PYGL: variants seen among roughly 807,000 people sequenced by gnomAD.
PYGL encodes the protein glycogen phosphorylase, liver form.
Under a neutral mutation model 100.1 loss-of-function variants are expected in PYGL, and 90 were observed. The observed-to-expected ratio is 0.90, with a 90% CI of 0.76 to 1.07. The LOEUF (loss-of-function observed/expected upper bound fraction) is 1.07. Ranked by LOEUF, PYGL falls within the 50% of genes least tolerant of loss-of-function variation. PYGL has a pLI of 0.00. For synonymous variants in PYGL, 373 were observed against 393.0 expected, an observed-to-expected ratio of 0.95 and a Z score of 0.60; for missense variants, 1,016 against 1,057.6, an observed-to-expected ratio of 0.96 and a Z score of 0.55.
At chr14:50,916,414 A>G (rs2050449654) in intron 9 of PYGL, among the ~76,000 whole-genome samples, 1 of 152,220 alleles carries the variant, frequency 6.6e-6, no homozygotes, top group African/African-American at 2.4e-5. Context: ...AAGCCTTAAT[A>G]TAGCTATTGA....
rs35049468 is a variant in PYGL at position 50,942,822 on chromosome 14, C to CAAACAAAACAAAACA, written c.243+1324_243+1338dup. On this transcript the variant is annotated intron_variant, in intron 1 of 19. Transcript: ENST00000216392. ...CCTGGGCGAGAGTGAGACTCTGTCT[C>CAAACAAAACAAAACA]AAACAAAACAAAACAAAACAAAACA... 9.9e-4 allele frequency among the ~76,000 whole-genome samples: 129 copies of CAAACAAAACAAAACA among 130,140 alleles called. 17 individuals carry two copies. The South Asian group carries it at 0.029, about 30-fold the overall frequency. 85.4% of individuals were successfully genotyped at this position (130,140 alleles called of 152,430 possible).
At position 50,908,840 on chromosome 14, in the gene PYGL, T is replaced by C; in HGVS notation, c.2293A>G (p.Met765Val). The part of the protein sequence containing the change: ...QPDLFKDIIN[M>V]LFYHDRFKVF... ...ACTCACCTGTCATGATAAAATAGCATGTTGATGATATCTTTGAAGAGGTCA... is the reference window on the plus strand; with the variant it reads ...ACTCACCTGTCATGATAAAATAGCACGTTGATGATATCTTTGAAGAGGTCA... The change falls in exon 18 of 20, where the codon ATG becomes GTG. Residue 765 changes from methionine (M) to valine (V), a missense_variant. Transcript: ENST00000216392. 3 of 1,567,078 alleles carry C rather than the reference T, an allele frequency of 1.9e-6. No homozygotes were observed. Among genetic ancestry groups the C allele is most frequent in the Middle Eastern group, 1.7e-4 (1 of 5,996 alleles).
chr14:50,934,985 A>G, intron 3 of PYGL, 122 bp downstream of exon 3: 1 of 870,144 alleles, frequency 1.1e-6, no homozygotes, highest in Non-Finnish European at 1.9e-6. Flanking sequence ...TACATCTACA[A>G]CCAGGTCATA....
At chr14:50,928,135 A>T (rs2139187386) in intron 4 of PYGL, among the ~76,000 whole-genome samples, 1 of 152,306 alleles carries the variant, frequency 6.6e-6, no homozygotes, top group East Asian at 1.9e-4. Flanking sequence ...ATTTCTTTAG[A>T]GGAATGACTC....
chr14:50,924,787 T>C (rs1475268394), intron 4 of PYGL, among the ~76,000 whole-genome samples: 1 of 152,214 alleles, frequency 6.6e-6, no homozygotes, highest in Non-Finnish European at 1.5e-5. Context: ...TTTTCCTAGG[T>C]ATTTATGTCA....
chr14:50,931,855 G>A, intron 3 of PYGL, 79 bp from the exon 4 acceptor site: 1 of 1,130,756 alleles, frequency 8.8e-7, no homozygotes, highest in Non-Finnish European at 1.3e-6. Flanking sequence ...AAAACACATG[G>A]CAGCCACAAA....
At position 50,944,149 on chromosome 14, in the gene PYGL, G is replaced by T; in HGVS notation, c.243+12C>A. 1 of 1,596,508 alleles carries T rather than the reference G, an allele frequency of 6.3e-7. No homozygotes were observed. Among genetic ancestry groups the T allele is most frequent in the Non-Finnish European group, 8.5e-7 (1 of 1,176,248 alleles). On this transcript the variant is annotated intron_variant, in intron 1 of 19. Coordinates refer to ENST00000216392, the MANE Select transcript of PYGL (RefSeq NM_002863.5). ...GGGCTGGACCCCGGCCCGCCGTCCC[G>T]CCCCCGGTTACCTTGGGGCACTTGT...
chr14:50,937,641 ATTTTAC>A (rs1270593211), intron 2 of PYGL, 89 bp downstream of exon 2: 2 of 1,246,412 alleles, frequency 1.6e-6, no homozygotes, highest in Non-Finnish European at 2.4e-6. Flanking sequence ...TTTCACTCTT[ATTTTAC>A]TTTATTTTTT....
chr14:50,934,745 A>C (rs2050637407), intron 3 of PYGL, among the ~76,000 whole-genome samples: 1 of 152,124 alleles, frequency 6.6e-6, no homozygotes, highest in Admixed American at 6.6e-5. Flanking sequence ...GGAATTCTAA[A>C]TACTAAACTG....
chr14:50,922,403 C>T (rs2050510375), intron 5 of PYGL, among the ~76,000 whole-genome samples: 1 of 152,206 alleles, frequency 6.6e-6, no homozygotes, highest in Non-Finnish European at 1.5e-5. Flanking sequence ...AAATCACCCT[C>T]ATTTAAATAT....
intron 4 of PYGL, among the ~76,000 whole-genome samples, 190 bp from the exon 5 acceptor site, chr14:50,924,290 T>C (rs1234286573): frequency 6.6e-6 from 1 of 152,248 alleles, no homozygotes; most frequent in Non-Finnish European, 1.5e-5. Flanking sequence ...ATATTTTATA[T>C]GTATTACTGC....
chr14:50,908,774 T>C, intron 18 of PYGL, 47 bp downstream of exon 18: 1 of 1,528,510 alleles, frequency 6.5e-7, no homozygotes, highest in Non-Finnish European at 9.1e-7. Flanking sequence ...GATTTTCTTG[T>C]CCCCCTTTCA....
intron 16 of PYGL, among the ~76,000 whole-genome samples, chr14:50,910,488 C>G (rs1295407576): frequency 1.3e-5 from 2 of 151,986 alleles, no homozygotes; most frequent in Non-Finnish European, 2.9e-5. Flanking sequence ...CAGGGTCTCT[C>G]TCTGTCACCC....
chr14:50,920,319 C>G (rs1388757657), intron 7 of PYGL, among the ~76,000 whole-genome samples: 3 of 152,190 alleles, frequency 2.0e-5, no homozygotes, highest in African/African-American at 7.2e-5. Flanking sequence ...GTGATGGGGT[C>G]ACTAATCAAG....
chr14:50,908,487 G>C lies in PYGL; in HGVS notation c.2313-150C>G, dbSNP rs376991214. On this transcript the variant is annotated intron_variant, in intron 18 of 19. Coordinates refer to ENST00000216392, the MANE Select transcript of PYGL (RefSeq NM_002863.5). ...TTTCTGTTTGTAAGACTTTTAACCA[G>C]CCCTCAACCTTCTTATGGTTCTCAC... The C allele has an allele frequency of 1.7e-5, 14 of 803,806 alleles. No individual in the cohort carries two copies. In the East Asian group the frequency reaches 3.7e-4, roughly 21 times the overall value. The allele number at this position is 803,806 out of a possible 1,614,324, so 49.8% of individuals were successfully genotyped here. A position where few individuals can be genotyped will look rare whatever the true frequency, so the allele number is the denominator to read the frequency against.
At chr14:50,931,584 A>G (rs944906484) in intron 4 of PYGL, 89 bp downstream of exon 4, 14 of 1,193,660 alleles carry the variant, frequency 1.2e-5, no homozygotes, top group Non-Finnish European at 1.7e-5. Flanking sequence ...GTACAGCTCT[A>G]TGTTAAAGGT....
At chr14:50,908,020 C>CAAAAA (rs34040095) in intron 19 of PYGL, 41 of 227,370 alleles carry the variant, frequency 1.8e-4, no homozygotes, top group African/African-American at 3.1e-4. Flanking sequence ...AGATCTGTCT[C>CAAAAA]AAAAAAAAAA....
At chr14:50,912,424 T>A (rs1465867008) in intron 13 of PYGL, 121 bp from the exon 14 acceptor site, 1 of 1,281,088 alleles carries the variant, frequency 7.8e-7, no homozygotes, top group Non-Finnish European at 1.1e-6. Context: ...AGTGGCATGA[T>A]CTCAGATCAC....
At chr14:50,915,169 T>C (rs2050433966) in intron 11 of PYGL, 167 bp downstream of exon 11, 1 of 918,286 alleles carries the variant, frequency 1.1e-6, no homozygotes, top group African/African-American at 2.0e-5. Flanking sequence ...TTTTCTTTCC[T>C]TTTCTTTTCT....
Sources: gnomAD v4.1 joint callset for allele counts (sites outside exome capture counted in the v4.1 genomes callset) on GRCh38, gnomAD v4.1.1 for gene constraint, MANE v1.5 for transcripts, NCBI Gene and HGNC (gene_info 2026-07-23, HGNC 2026-07-21) for gene names.